Variants in KLHDC1 observed in about 807,000 individuals in gnomAD.
The protein encoded by KLHDC1 is kelch domain-containing protein 1.
A neutral mutation model predicts 68.3 loss-of-function variants in KLHDC1; 53 were observed. The ratio of observed to expected loss-of-function variants is 0.78; its 90% CI spans 0.62 to 0.98. The LOEUF (loss-of-function observed/expected upper bound fraction) is 0.98. KLHDC1 is among the 50% of genes least tolerant of loss of function. The pLI is 0.00. For missense variants in KLHDC1, 470 were observed against 492.3 expected (o/e 0.95, Z 0.43); for synonymous variants, 148 against 159.0 (o/e 0.93, Z 0.52).
At chr14:49,725,838 G>T (rs1017189706) in intron 6 of KLHDC1, 69 bp downstream of exon 6, 42 of 765,704 alleles carry the variant, frequency 5.5e-5, no homozygotes, top group South Asian at 4.2e-4. Flanking sequence ...TGGATTTTGG[G>T]TTTTTTTTTG....
At chr14:49,717,247 C>A (rs1888403055) in intron 4 of KLHDC1, among the ~76,000 whole-genome samples, 2 of 152,230 alleles carry the variant, frequency 1.3e-5, no homozygotes, top group South Asian at 4.1e-4. Context: ...ACTGTTGGGT[C>A]ATTTGGTGAG....
intron 10 of KLHDC1, among the ~76,000 whole-genome samples, chr14:49,739,816 C>T (rs556190644): frequency 3.3e-5 from 5 of 152,084 alleles, no homozygotes; most frequent in African/African-American, 1.2e-4. Flanking sequence ...TTTAGGAGAC[C>T]GAGGCAGGAG....
intron 10 of KLHDC1, among the ~76,000 whole-genome samples, chr14:49,736,985 T>C (rs1184956028): frequency 2.0e-5 from 3 of 152,114 alleles, no homozygotes; most frequent in African/African-American, 7.3e-5. Flanking sequence ...TGATAGCCTA[T>C]ATAGTTGGCT....
chr14:49,709,804 A>G lies in KLHDC1; in HGVS notation c.263A>G (p.Asp88Gly). ...AAGCTGTACATTTTTGGAGGATATG[A>G]TGACAAAGGATACAGCAATCGAGTA... Reference protein sequence around the residue: ...NGKLYIFGGYDDKGYSNRLYF... With the variant: ...NGKLYIFGGYGDKGYSNRLYF... The change falls in exon 3 of 13, where the codon GAT (aspartate) becomes GGT (glycine). Residue 88 changes from aspartate to glycine, a missense_variant. Transcript: ENST00000359332. 6.3e-7 allele frequency: 1 copy of G among 1,587,230 alleles called. No individual in the cohort carries two copies. Among genetic ancestry groups the G allele is most frequent in the Non-Finnish European group, 8.6e-7 (1 of 1,163,050 alleles).
At chr14:49,720,894 A>T (rs543790949) in intron 4 of KLHDC1, among the ~76,000 whole-genome samples, 2 of 152,026 alleles carry the variant, frequency 1.3e-5, no homozygotes, top group South Asian at 2.1e-4. Context: ...ATTTTTTTTT[A>T]AAGTTTGCTG....
intron 6 of KLHDC1, among the ~76,000 whole-genome samples, chr14:49,727,504 C>T (rs1231250509): frequency 6.6e-6 from 1 of 152,072 alleles, no homozygotes; most frequent in Admixed American, 6.6e-5. Flanking sequence ...CCTTACAGTC[C>T]AACTTCTGTT....
chr14:49,728,810 G>T, intron 6 of KLHDC1, 116 bp from the exon 7 acceptor site: 1 of 743,208 alleles, frequency 1.3e-6, no homozygotes, highest in East Asian at 2.6e-5. Context: ...GTTTTTAATT[G>T]AATTACATAG....
intron 10 of KLHDC1, among the ~76,000 whole-genome samples, chr14:49,737,875 A>AC (rs1888967891): frequency 1.3e-5 from 2 of 151,518 alleles, no homozygotes; most frequent in South Asian, 4.2e-4. Flanking sequence ...AAAAAAAAAA[A>AC]AAAAAAAAAA....
intron 4 of KLHDC1, among the ~76,000 whole-genome samples, chr14:49,716,406 A>G (rs1340852534): frequency 2.0e-5 from 3 of 151,228 alleles, no homozygotes; most frequent in African/African-American, 7.3e-5. Flanking sequence ...TTTTTGAGAC[A>G]GAGTCTCACT....
At chr14:49,700,029 C>CT in intron 1 of KLHDC1, 1 of 359,872 alleles carries the variant, frequency 2.8e-6, no homozygotes, top group Non-Finnish European at 5.3e-6. Context: ...TTGCTGTGAA[C>CT]CTTTTTTTTT....
At chr14:49,703,126 T>C (rs575687168) in intron 1 of KLHDC1, among the ~76,000 whole-genome samples, 6 of 152,148 alleles carry the variant, frequency 3.9e-5, no homozygotes. Flanking sequence ...TATAAACAAC[T>C]GTTTACTTTC....
chr14:49,693,151 G>C lies in KLHDC1; in HGVS notation c.-44G>C. 1 of 1,528,072 alleles carries C rather than the reference G, an allele frequency of 6.5e-7. No homozygotes were observed. Among genetic ancestry groups the C allele is most frequent in the Non-Finnish European group, 8.9e-7 (1 of 1,128,532 alleles). 94.7% of individuals were successfully genotyped at this position (1,528,072 alleles called of 1,614,324 possible). Reference sequence around the variant, plus strand: ...GGCTGGAGGCGAGGCCGCCGGGCGGGCAGGGGTTGTGGCGCGGCAAGCGGC... The same window carrying C: ...GGCTGGAGGCGAGGCCGCCGGGCGGCCAGGGGTTGTGGCGCGGCAAGCGGC... On this transcript the variant is annotated 5_prime_UTR_variant, in exon 1 of 13. Coordinates refer to ENST00000359332, the MANE Select transcript of KLHDC1 (RefSeq NM_172193.3).
intron 1 of KLHDC1, among the ~76,000 whole-genome samples, chr14:49,694,332 G>A (rs1887670999): frequency 6.6e-6 from 1 of 152,068 alleles, no homozygotes; most frequent in Non-Finnish European, 1.5e-5. Context: ...TCTACTGATA[G>A]TAGAACCTAC....
Position 49,709,942 on chromosome 14 carries a change from A to T in KLHDC1, c.285+116A>T, listed in dbSNP as rs1375322339. ...TATATATAGAAAACCTTAAACTTGT[A>T]ATTAAATATTTTAAAGCTGGGTTGA... On this transcript the variant is annotated intron_variant, in intron 3 of 12. Transcript: ENST00000359332. 4 of 574,348 alleles carry T rather than the reference A, an allele frequency of 7.0e-6. No individual in the cohort carries two copies. The African/African-American group carries it at 7.8e-5, about 11-fold the overall frequency. The allele number at this position is 574,348 out of a possible 1,614,324, so 35.6% of individuals were successfully genotyped here. A position where few individuals can be genotyped will look rare whatever the true frequency, so the allele number is the denominator to read the frequency against.
chr14:49,700,546 C>T lies in KLHDC1; in HGVS notation c.96+7256C>T, dbSNP rs148360093. On this transcript the variant is annotated intron_variant, in intron 1 of 12. Transcript: ENST00000359332. Reference sequence around the variant, plus strand: ...ATGCAGTGAGCTATGATTGTGCCATCGCACTCCAGCCTGGGTGACAGAGAC... The same window carrying T: ...ATGCAGTGAGCTATGATTGTGCCATTGCACTCCAGCCTGGGTGACAGAGAC... Among the ~76,000 whole-genome samples the T allele has an allele frequency of 4.5e-4, 69 of 152,212 alleles. 1 individual carries two copies. Among genetic ancestry groups the T allele is most frequent in the Middle Eastern group, 3.4e-3 (1 of 294 alleles).
chr14:49,737,963 T>A (rs1888970990), intron 10 of KLHDC1, among the ~76,000 whole-genome samples: 1 of 151,750 alleles, frequency 6.6e-6, no homozygotes, highest in African/African-American at 2.4e-5. Flanking sequence ...AATTGGGAAA[T>A]TTTTTTGAGA....
intron 1 of KLHDC1, among the ~76,000 whole-genome samples, chr14:49,696,968 G>A (rs1366976859): frequency 6.8e-6 from 1 of 147,818 alleles, no homozygotes; most frequent in East Asian, 2.0e-4. Context: ...ACGGAGTCTC[G>A]CTCCATCGCC....
intron 1 of KLHDC1, among the ~76,000 whole-genome samples, chr14:49,694,803 A>C (rs1363557589): frequency 1.3e-5 from 2 of 152,170 alleles, no homozygotes; most frequent in Non-Finnish European, 2.9e-5. Flanking sequence ...GCAGTAAGCC[A>C]AGATTGCGCC....
intron 8 of KLHDC1, 49 bp downstream of exon 8, chr14:49,729,597 T>C (rs1888754205): frequency 8.5e-7 from 1 of 1,183,410 alleles, no homozygotes; most frequent in Non-Finnish European, 1.2e-6. Flanking sequence ...TGTGTATGTG[T>C]CTGTATGTCA....
Sources: gnomAD v4.1 joint callset for allele counts (sites outside exome capture counted in the v4.1 genomes callset) on GRCh38, gnomAD v4.1.1 for gene constraint, MANE v1.5 for transcripts, NCBI Gene and HGNC (gene_info 2026-07-23, HGNC 2026-07-21) for gene names.